XPO1: variants seen among roughly 807,000 people sequenced by gnomAD.
XPO1 encodes the protein exportin 1.
XPO1 carries 5 observed loss-of-function variants against 133.3 expected under a neutral mutation model. The observed-to-expected ratio is 0.04, with a 90% confidence interval of 0.02 to 0.08. The LOEUF is 0.08. XPO1 is among the 10% of genes least tolerant of loss of function. The pLI is 1.00. For synonymous variants in XPO1, 419 were observed against 408.2 expected (o/e 1.03, Z -0.32); for missense variants, 506 against 1,267.5 (o/e 0.40, Z 9.12).
At chr2:61,526,570 A>T (rs776739718) in intron 2 of XPO1, 49 bp from the exon 3 acceptor site, 9 of 1,397,474 alleles carry the variant, frequency 6.4e-6, no homozygotes, top group Non-Finnish European at 8.5e-6. Context: ...TATTCTTTTG[A>T]ATCATTCATT....
intron 17 of XPO1, among the ~76,000 whole-genome samples, chr2:61,489,572 T>G (rs551350486): frequency 9.0e-4 from 136 of 151,388 alleles, no homozygotes; most frequent in South Asian, 2.1e-3. Flanking sequence ...TTTTTTTTTT[T>G]GGGACGGAGT....
intron 23 of XPO1, 101 bp from the exon 24 acceptor site, chr2:61,481,382 C>T: frequency 1.5e-6 from 1 of 646,844 alleles, no homozygotes; most frequent in Admixed American, 3.8e-5. Flanking sequence ...GATCTCTGCT[C>T]ACTGTAATCT....
intron 4 of XPO1, among the ~76,000 whole-genome samples, chr2:61,511,311 G>T (rs1412721952): frequency 6.6e-6 from 1 of 152,138 alleles, no homozygotes; most frequent in Non-Finnish European, 1.5e-5. Context: ...ATTTTTAGTA[G>T]AGATGGGGTT....
intron 19 of XPO1, among the ~76,000 whole-genome samples, chr2:61,487,107 T>G (rs1305507032): frequency 1.3e-5 from 2 of 152,004 alleles, no homozygotes; most frequent in Non-Finnish European, 2.9e-5. Flanking sequence ...CTCAGCCTCC[T>G]GACTTCAAGT....
intron 19 of XPO1, among the ~76,000 whole-genome samples, chr2:61,487,234 C>T (rs1230194825): frequency 1.3e-5 from 2 of 152,094 alleles, no homozygotes; most frequent in South Asian, 2.1e-4. Flanking sequence ...CAAACTTTAA[C>T]ATTAATGTTA....
intron 4 of XPO1, among the ~76,000 whole-genome samples, chr2:61,521,544 A>G (rs1023691621): frequency 6.6e-6 from 1 of 152,202 alleles, no homozygotes; most frequent in African/African-American, 2.4e-5. Context: ...GGTTTCTCAA[A>G]ATATGACTAC....
chr2:61,485,976 A>G lies in XPO1; in HGVS notation c.2314-14T>C, dbSNP rs1198541652. The G allele has an allele frequency of 2.5e-6, 4 of 1,582,858 alleles. No individual in the cohort carries two copies. The highest frequency in any genetic ancestry group is 1.2e-5 in the South Asian group (1 of 86,870). On this transcript the variant is annotated splice_polypyrimidine_tract_variant and intron_variant, in intron 19 of 24. Coordinates refer to ENST00000401558, the MANE Select transcript of XPO1 (RefSeq NM_003400.4). ...ATTTTCAGCGACCTGTTGGGGAGGG[A>G]AAAAAAAGTTATGTTTTAATTTAGG...
chr2:61,488,110 T>C, intron 19 of XPO1, 55 bp downstream of exon 19: 1 of 1,470,966 alleles, frequency 6.8e-7, no homozygotes, highest in East Asian at 2.3e-5. Context: ...TATAGCATAT[T>C]CCATAAAACA....
intron 12 of XPO1, 193 bp downstream of exon 12, chr2:61,493,701 G>T: frequency 5.0e-6 from 3 of 598,852 alleles, no homozygotes; most frequent in Non-Finnish European, 8.6e-6. Context: ...TTGATACTGA[G>T]AGAAGGACCA....
intron 4 of XPO1, 136 bp downstream of exon 4, chr2:61,522,475 G>A: frequency 7.0e-6 from 5 of 717,108 alleles, no homozygotes; most frequent in Non-Finnish European, 1.2e-5. Context: ...AGACCTGTTT[G>A]CTTCATGATA....
chr2:61,512,762 G>A, intron 4 of XPO1, among the ~76,000 whole-genome samples: 1 of 152,226 alleles, frequency 6.6e-6, no homozygotes, highest in Non-Finnish European at 1.5e-5. Context: ...AAGTTGGGGA[G>A]CTGGGTGCGG....
At chr2:61,507,713 G>A (rs1342392567) in intron 4 of XPO1, among the ~76,000 whole-genome samples, 1 of 151,698 alleles carries the variant, frequency 6.6e-6, no homozygotes, top group African/African-American at 2.4e-5. Flanking sequence ...CCTTGTCTCT[G>A]CTAAAAATAC....
chr2:61,498,047 AAT>A (rs1423268231), intron 9 of XPO1, among the ~76,000 whole-genome samples: 3 of 152,252 alleles, frequency 2.0e-5, no homozygotes, highest in Non-Finnish European at 4.4e-5. Flanking sequence ...AACATCTGAA[AAT>A]ATAATACAAC....
At chr2:61,491,621 G>A (rs1414086190) in intron 16 of XPO1, among the ~76,000 whole-genome samples, 1 of 152,052 alleles carries the variant, frequency 6.6e-6, no homozygotes, top group Non-Finnish European at 1.5e-5. Flanking sequence ...ACCAGGCTGG[G>A]CGTGGTGGCT....
At chr2:61,486,111 A>G (rs1039536529) in intron 19 of XPO1, 149 bp from the exon 20 acceptor site, 1 of 755,342 alleles carries the variant, frequency 1.3e-6, no homozygotes, top group South Asian at 2.4e-5. Context: ...TCCTACGTCA[A>G]AACAGTTTTT....
chr2:61,528,275 CG>C (rs1698994608), intron 2 of XPO1, among the ~76,000 whole-genome samples: 1 of 151,968 alleles, frequency 6.6e-6, no homozygotes, highest in African/African-American at 2.4e-5. Flanking sequence ...CACATTTTCA[CG>C]GCATGTGTGT....
At chr2:61,481,358 G>A in intron 23 of XPO1, 77 bp from the exon 24 acceptor site, 1 of 1,069,132 alleles carries the variant, frequency 9.4e-7, no homozygotes, top group Non-Finnish European at 1.3e-6. Flanking sequence ...CACCAGGCTG[G>A]AGTACAGTGG....
At chr2:61,502,482 G>A (rs1697577130) in intron 4 of XPO1, 172 bp from the exon 5 acceptor site, 1 of 573,770 alleles carries the variant, frequency 1.7e-6, no homozygotes. Context: ...CGGTGCGGTG[G>A]CTCACGCTTG....
intron 4 of XPO1, among the ~76,000 whole-genome samples, chr2:61,510,382 T>C (rs1698029535): frequency 6.6e-6 from 1 of 152,246 alleles, no homozygotes; most frequent in African/African-American, 2.4e-5. Flanking sequence ...ATATTGTTAC[T>C]ACTGTTCTCT....
Sources: allele counts gnomAD v4.1 joint callset (sites outside exome capture counted in the v4.1 genomes callset), GRCh38; gene constraint gnomAD v4.1.1; transcripts MANE v1.5; gene names NCBI Gene and HGNC (gene_info 2026-07-23, HGNC 2026-07-21).